The following KCNQ1 variants were observed in gnomAD, a reference collection of about 807,000 sequenced individuals.
The protein encoded by KCNQ1 is potassium voltage-gated channel subfamily Q member 1, also known as potassium voltage-gated channel subfamily KQT member 1.
A neutral mutation model predicts 72.4 loss-of-function variants in KCNQ1; 49 were observed. That is an observed-to-expected ratio of 0.68 (90% CI 0.54 to 0.86). The LOEUF (loss-of-function observed/expected upper bound fraction) is 0.86, where lower values mean the gene tolerates loss of function less well. Among genes scored for constraint, KCNQ1 ranks in the 40% least tolerant of loss-of-function variants. The pLI is 0.00. For synonymous variants in KCNQ1, 450 were observed against 412.6 expected (o/e 1.09, Z -1.10); for missense variants, 790 against 945.1 (o/e 0.84, Z 2.15).
chr11:2,651,322 C>CA lies in KCNQ1; in HGVS notation c.1394-10638dup, dbSNP rs1849753546. 2.5e-6 allele frequency: 1 copy of CA among 398,590 alleles called. No homozygotes were observed. The highest frequency in any genetic ancestry group is 1.3e-4 in the South Asian group (1 of 7,848). The allele number at this position is 398,590 out of a possible 1,614,324, so 24.7% of individuals were successfully genotyped here. A position where few individuals can be genotyped will look rare whatever the true frequency, so the allele number is the denominator to read the frequency against. ...CTGGGAAGCTGCACAGAACACTCCT[C>CA]AGAGTTCTACAAGCGGCTGAGAGAG... On this transcript the variant is annotated intron_variant, in intron 10 of 15. Coordinates refer to ENST00000155840, the MANE Select transcript of KCNQ1 (RefSeq NM_000218.3). This position sits in a 1 kb window ranked among gnomAD's most constrained non-coding sequence, Gnocchi z 6.1.
intron 15 of KCNQ1, 58 bp from the exon 16 acceptor site, chr11:2,847,709 G>A (rs111886519): frequency 6.0e-6 from 9 of 1,502,064 alleles, no homozygotes; most frequent in Middle Eastern, 1.7e-4. Flanking sequence ...CCCTGAGGCT[G>A]TCTGCACACC....
chr11:2,700,137 G>A, intron 11 of KCNQ1: 1 of 397,346 alleles, frequency 2.5e-6, no homozygotes, highest in Non-Finnish European at 4.4e-6. Flanking sequence ...GTGATGTGCC[G>A]TGTCCTGTCA....
intron 15 of KCNQ1, chr11:2,839,795 G>GT (rs1207917110): frequency 3.9e-5 from 6 of 152,340 alleles, no homozygotes; most frequent in Admixed American, 2.6e-4. Flanking sequence ...AAGAGGGGAG[G>GT]TTATGAGGTC....
rs1325860171 is a variant in KCNQ1, at chr11:2,564,550, G to A, written c.478-6078G>A. ...GCAGAGGTTGCAGTGAGCTGAGATG[G>A]TGCCACTGCACTCCTGCCTGGGCAA... is the stretch of plus-strand genomic sequence containing the variant. On this transcript the variant is annotated intron_variant, in intron 2 of 15. Coordinates refer to ENST00000155840, the MANE Select transcript of KCNQ1 (RefSeq NM_000218.3). The surrounding 1 kb of genome is among the most constrained non-coding windows in gnomAD (Gnocchi z 4.5). 6.6e-6 allele frequency among the ~76,000 whole-genome samples: 1 copy of A among 152,214 alleles called. No individual in the cohort carries two copies. The highest frequency in any genetic ancestry group is 2.4e-5 in the African/African-American group (1 of 41,446).
chr11:2,526,196 G>A lies in KCNQ1; in HGVS notation c.387-1732G>A, dbSNP rs967668660. 9.9e-5 allele frequency among the ~76,000 whole-genome samples: 15 copies of A among 152,162 alleles called. No individual in the cohort carries two copies. Among genetic ancestry groups the A allele is most frequent in the African/African-American group, 2.9e-4 (12 of 41,440 alleles). On this transcript the variant is annotated intron_variant, in intron 1 of 15. Transcript: ENST00000155840. The surrounding 1 kb of genome is among the most constrained non-coding windows in gnomAD (Gnocchi z 6.1). Reference sequence around the variant, plus strand: ...CATCGTGGTGTAAATACTGGGGCACGACATGGAGGGTTCACTGACTGGCTG... The same window carrying A: ...CATCGTGGTGTAAATACTGGGGCACAACATGGAGGGTTCACTGACTGGCTG...
rs141143363 is a variant in KCNQ1, at chr11:2,498,202, G to A, written c.387-29726G>A. The stretch of plus-strand genomic sequence containing the variant: ...TCCCTTAGCAGAGCTCATGCACTGT[G>A]CTGCGAGAATCCCCCTTGTCAGGAT... On this transcript the variant is annotated intron_variant, in intron 1 of 15. Transcript: ENST00000155840. This position sits in a 1 kb window ranked among gnomAD's most constrained non-coding sequence, Gnocchi z 4.8. 6.6e-6 allele frequency among the ~76,000 whole-genome samples: 1 copy of A among 152,334 alleles called. No individual in the cohort carries two copies. Among genetic ancestry groups the A allele is most frequent in the South Asian group, 2.1e-4 (1 of 4,822 alleles).
intron 1 of KCNQ1, among the ~76,000 whole-genome samples, chr11:2,512,845 T>A (rs874185): frequency 0.44 from 66,491 of 152,146 alleles, 16,412 homozygotes; most frequent in Non-Finnish European, 0.57. Flanking sequence ...TGGCGTGTCC[T>A]GCTCCCCAGG....
chr11:2,616,038 G>C, intron 10 of KCNQ1: 4 of 397,948 alleles, frequency 1.0e-5, no homozygotes, highest in Non-Finnish European at 1.8e-5. Context: ...CTTTCTACTT[G>C]TTATGGGTCT....
In KCNQ1 at chr11:2,601,641, A is replaced by C. The variant is rs1369065687; in HGVS notation, c.1393+12787A>C. Among the ~76,000 whole-genome samples the C allele has an allele frequency of 6.6e-6, 1 of 152,184 alleles. No individual in the cohort carries two copies. The highest frequency in any genetic ancestry group is 1.5e-5 in the Non-Finnish European group (1 of 68,028). On this transcript the variant is annotated intron_variant, in intron 10 of 15. Transcript: ENST00000155840. This position sits in a 1 kb window ranked among gnomAD's most constrained non-coding sequence, Gnocchi z 5.2. ...TGATTCTCTAGTTTTGTCTTTTCAA[A>C]AATGCCACGTAAATGGAATCACACA...
Position 2,526,114 on chromosome 11 carries a change from G to C in KCNQ1, c.387-1814G>C, listed in dbSNP as rs189856669. ...GTGCACGGGCCCTGAGGTGGGCCGG[G>C]CTGGGCACAGTCAGGACTGGCAACA... On this transcript the variant is annotated intron_variant, in intron 1 of 15. Transcript: ENST00000155840. This position sits in a 1 kb window ranked among gnomAD's most constrained non-coding sequence, Gnocchi z 6.1. Among the ~76,000 whole-genome samples, 37 of 152,342 alleles carry C rather than the reference G, an allele frequency of 2.4e-4. No homozygotes were observed. The highest frequency in any genetic ancestry group is 6.5e-4 in the Admixed American group (10 of 15,302).
In KCNQ1 at chr11:2,563,393, G is replaced by A. The variant is rs753020427; in HGVS notation, c.478-7235G>A. 7.2e-5 allele frequency among the ~76,000 whole-genome samples: 11 copies of A among 152,170 alleles called. No individual in the cohort carries two copies. The highest frequency in any genetic ancestry group is 2.6e-4 in the Admixed American group (4 of 15,284). On this transcript the variant is annotated intron_variant, in intron 2 of 15. Transcript: ENST00000155840. The surrounding 1 kb of genome is among the most constrained non-coding windows in gnomAD (Gnocchi z 7.4). ...CACCTGCTTTGCTAGACCCTTGCTG[G>A]CCCTCCGGCTTCGGGCAGGTCTCCT...
In KCNQ1 at chr11:2,808,225, G is replaced by A. The variant is rs113875206; in HGVS notation, c.1794+30188G>A. Among the ~76,000 whole-genome samples the A allele has an allele frequency of 1.3e-5, 2 of 152,164 alleles. No homozygotes were observed. The highest frequency in any genetic ancestry group is 2.9e-5 in the Non-Finnish European group (2 of 68,030). ...AGGGTGAACCCATCCAGGCTGGCCC[G>A]CCTTCCAGCCCTCCCCCAGCACCCA... On this transcript the variant is annotated intron_variant, in intron 15 of 15. Coordinates refer to ENST00000155840, the MANE Select transcript of KCNQ1 (RefSeq NM_000218.3). The surrounding 1 kb of genome is among the most constrained non-coding windows in gnomAD (Gnocchi z 6.0).
At chr11:2,844,150 C>T (rs551594892) in intron 15 of KCNQ1, among the ~76,000 whole-genome samples, 1 of 152,224 alleles carries the variant, frequency 6.6e-6, no homozygotes, top group Non-Finnish European at 1.5e-5. Context: ...GCGCCCTGCC[C>T]GCAGAGTGGT....
At chr11:2,640,137 C>T (rs894468537) in intron 10 of KCNQ1, 15 of 344,200 alleles carry the variant, frequency 4.4e-5, no homozygotes, top group African/African-American at 2.7e-4. Flanking sequence ...AGGGAATTCC[C>T]TGACCCCTTG....
In KCNQ1 at chr11:2,515,656, C is replaced by T. The variant is rs1205010936; in HGVS notation, c.387-12272C>T. ...AGGCAGGCCTCTCACAGAGACAAGA[C>T]GAGTGTCCTAGGGCAGATAGGGCCA... On this transcript the variant is annotated intron_variant, in intron 1 of 15. Coordinates refer to ENST00000155840, the MANE Select transcript of KCNQ1 (RefSeq NM_000218.3). This position sits in a 1 kb window ranked among gnomAD's most constrained non-coding sequence, Gnocchi z 4.7. 2.0e-5 allele frequency among the ~76,000 whole-genome samples: 3 copies of T among 152,130 alleles called. No homozygotes were observed. Among genetic ancestry groups the T allele is most frequent in the Non-Finnish European group, 2.9e-5 (2 of 67,998 alleles).
At chr11:2,790,903 C>G (rs904815723) in intron 15 of KCNQ1, among the ~76,000 whole-genome samples, 25 of 152,212 alleles carry the variant, frequency 1.6e-4, no homozygotes, top group Non-Finnish European at 1.3e-4. Flanking sequence ...CCAGGTCTTG[C>G]TTTCCCCAGC....
chr11:2,684,729 G>T, intron 11 of KCNQ1: 1 of 398,586 alleles, frequency 2.5e-6, no homozygotes, highest in Non-Finnish European at 4.4e-6. Context: ...GAGAACCCAG[G>T]GTAGGTCTGC....
chr11:2,794,802 C>T (rs1432856204), intron 15 of KCNQ1, among the ~76,000 whole-genome samples: 1 of 152,160 alleles, frequency 6.6e-6, no homozygotes, highest in Non-Finnish European at 1.5e-5. Context: ...GAAGCCACCA[C>T]CCAGAACCAC....
chr11:2,790,777 G>A (rs1401581261), intron 15 of KCNQ1, among the ~76,000 whole-genome samples: 1 of 152,252 alleles, frequency 6.6e-6, no homozygotes, highest in Non-Finnish European at 1.5e-5. Context: ...CAGGAGGCCT[G>A]CTTGGCTGAT....
Sources: allele counts gnomAD v4.1 joint callset (sites outside exome capture counted in the v4.1 genomes callset), GRCh38; gene constraint gnomAD v4.1.1; non-coding constraint Gnocchi (gnomAD v3.1); transcripts MANE v1.5; gene names NCBI Gene and HGNC (gene_info 2026-07-23, HGNC 2026-07-21).